The following LRRK1 variants were observed in gnomAD, a reference collection of about 807,000 sequenced individuals.
LRRK1 encodes the protein leucine-rich repeat serine/threonine-protein kinase 1.
Under a neutral mutation model 209.1 loss-of-function variants are expected in LRRK1, and 113 were observed. That is an observed-to-expected ratio of 0.54 (90% CI 0.46 to 0.63). LRRK1 has a LOEUF of 0.63. Among genes scored for constraint, LRRK1 ranks in the 30% least tolerant of loss-of-function variants. The pLI, the probability that LRRK1 is intolerant of heterozygous loss-of-function variation, is 0.00. For synonymous variants in LRRK1, 1,144 were observed against 1,099.7 expected, an observed-to-expected ratio of 1.04 and a Z score of -0.80; for missense variants, 2,284 against 2,632.2, an observed-to-expected ratio of 0.87 and a Z score of 2.89.
rs1281309106 is a variant in LRRK1, at chr15:100,973,904, C to T, written c.198C>T (p.Asp66=). 1 of 1,268,514 alleles carries T rather than the reference C, an allele frequency of 7.9e-7. No homozygotes were observed. Among genetic ancestry groups the T allele is most frequent in the South Asian group, 2.8e-5 (1 of 35,398 alleles). 78.6% of individuals were successfully genotyped at this position (1,268,514 alleles called of 1,614,324 possible). Residue 66 remains aspartate (D), a synonymous_variant, in exon 3 of 34, where the codon GAC becomes GAT. Transcript: ENST00000388948. ...EGIRAAYRRG[D]RGGARDLLEE... is the part of the protein sequence containing the mutation. ...TCCGCGCCGCGTACAGGCGGGGAGACCGCGGCGGCGCCCGGGACCTGCTGG... is the reference window on the plus strand; with the variant it reads ...TCCGCGCCGCGTACAGGCGGGGAGATCGCGGCGGCGCCCGGGACCTGCTGG...
rs11853469 is a variant in LRRK1, at chr15:100,964,995, C to T, written c.98-8809C>T. On this transcript the variant is annotated intron_variant, in intron 2 of 33. Transcript: ENST00000388948. ...TCTGGAACAAAATGTAAGACTGTCT[C>T]CTTGGAACATAAGGACAGACAGAAC... 2.6e-5 allele frequency among the ~76,000 whole-genome samples: 4 copies of T among 152,160 alleles called. No individual in the cohort carries two copies. The East Asian group carries it at 7.7e-4, about 29-fold the overall frequency.
intron 2 of LRRK1, among the ~76,000 whole-genome samples, chr15:100,948,515 C>T (rs1289791428): frequency 1.3e-5 from 2 of 152,186 alleles, no homozygotes; most frequent in Admixed American, 6.5e-5. Flanking sequence ...TTTGTCTATA[C>T]GTTGCAAATT....
intron 6 of LRRK1, among the ~76,000 whole-genome samples, chr15:100,999,394 T>C (rs2032583761): frequency 6.6e-6 from 1 of 152,240 alleles, no homozygotes; most frequent in South Asian, 2.1e-4. Flanking sequence ...TTTCCCTTTC[T>C]CTGATAGGGT....
At position 100,977,294 on chromosome 15, in the gene LRRK1, G is replaced by A. The variant is rs115673045; in HGVS notation, c.261+3327G>A. Among the ~76,000 whole-genome samples, 1,198 of 151,986 alleles carry A rather than the reference G, an allele frequency of 7.9e-3. 19 individuals are homozygous for A. The highest frequency in any genetic ancestry group is 0.028 in the African/African-American group (1,151 of 41,464). On this transcript the variant is annotated intron_variant, in intron 3 of 33. Coordinates refer to ENST00000388948, the MANE Select transcript of LRRK1 (RefSeq NM_024652.6). Reference sequence around the variant, plus strand: ...TTACAGGCAGTCAACAACCCTCTTCGGCAAAACACTGAAGAAATATACTTG... The same window carrying A: ...TTACAGGCAGTCAACAACCCTCTTCAGCAAAACACTGAAGAAATATACTTG...
chr15:100,921,039 A>G (rs1052625120), intron 1 of LRRK1, among the ~76,000 whole-genome samples: 1 of 151,974 alleles, frequency 6.6e-6, no homozygotes, highest in Non-Finnish European at 1.5e-5. Flanking sequence ...TCCCTCTCAC[A>G]TCCCTCACTC....
intron 20 of LRRK1, among the ~76,000 whole-genome samples, chr15:101,038,827 G>A (rs771448403): frequency 1.3e-5 from 2 of 152,096 alleles, no homozygotes; most frequent in African/African-American, 4.8e-5. Flanking sequence ...GGCACCCTGC[G>A]CCAGTGGCCA....
At chr15:100,962,638 G>A (rs997358828) in intron 2 of LRRK1, among the ~76,000 whole-genome samples, 3 of 150,888 alleles carry the variant, frequency 2.0e-5, no homozygotes, top group African/African-American at 4.9e-5. Flanking sequence ...AACAGAGACA[G>A]GGAGAGGGAG....
chr15:101,021,537 G>A (rs2033785112), intron 13 of LRRK1, among the ~76,000 whole-genome samples: 1 of 152,134 alleles, frequency 6.6e-6, no homozygotes, highest in Non-Finnish European at 1.5e-5. Flanking sequence ...ATATTAAAGG[G>A]ACATCGCCTT....
At chr15:101,016,944 G>C (rs1483672441) in intron 12 of LRRK1, among the ~76,000 whole-genome samples, 2 of 152,176 alleles carry the variant, frequency 1.3e-5, no homozygotes, top group Admixed American at 6.5e-5. Context: ...GTTCAGCAGA[G>C]AGTACATCTA....
chr15:101,060,114 C>T (rs1015305422), intron 29 of LRRK1, among the ~76,000 whole-genome samples: 2 of 152,242 alleles, frequency 1.3e-5, no homozygotes, highest in South Asian at 2.1e-4. Flanking sequence ...GAGACTCACT[C>T]ACAGGAAGGG....
chr15:100,955,492 CT>C lies in LRRK1; in HGVS notation c.98-18307del, dbSNP rs778780672. Reference sequence around the variant, plus strand: ...TTTCTTATTTGGATGTCTTTTATTTCTTTTTCTTACCTAATTTCTCTGGCTA... The same window carrying C: ...TTTCTTATTTGGATGTCTTTTATTTCTTTTCTTACCTAATTTCTCTGGCTA... On this transcript the variant is annotated intron_variant, in intron 2 of 33. Coordinates refer to ENST00000388948, the MANE Select transcript of LRRK1 (RefSeq NM_024652.6). 1.6e-4 allele frequency among the ~76,000 whole-genome samples: 25 copies of C among 152,182 alleles called. 2 individuals are homozygous for C. The highest frequency in any genetic ancestry group is 7.9e-4 in the Admixed American group (12 of 15,284).
chr15:100,999,434 C>T (rs1383861745), intron 6 of LRRK1, among the ~76,000 whole-genome samples: 3 of 152,170 alleles, frequency 2.0e-5, no homozygotes, highest in African/African-American at 4.8e-5. Context: ...ATTACTGTCA[C>T]GCCCTTGTCT....
chr15:100,972,333 TATGA>T (rs1468643155), intron 2 of LRRK1, among the ~76,000 whole-genome samples: 19 of 121,556 alleles, frequency 1.6e-4, no homozygotes, highest in African/African-American at 5.0e-4. Flanking sequence ...TATATATATA[TATGA>T]GAGAGAGAGA....
intron 6 of LRRK1, among the ~76,000 whole-genome samples, chr15:100,996,211 C>T (rs4352030): frequency 0.33 from 49,661 of 152,162 alleles, 8,788 homozygotes; most frequent in East Asian, 0.51. Context: ...TCCAGAGTTT[C>T]GTGCATTGCA....
intron 1 of LRRK1, among the ~76,000 whole-genome samples, chr15:100,922,474 G>A (rs2042036918): frequency 6.6e-6 from 1 of 152,014 alleles, no homozygotes; most frequent in African/African-American, 2.4e-5. Flanking sequence ...AACATTGTAT[G>A]GTAAGACACT....
At chr15:101,059,303 C>T (rs1475675588) in intron 29 of LRRK1, among the ~76,000 whole-genome samples, 1 of 152,148 alleles carries the variant, frequency 6.6e-6, no homozygotes, top group Non-Finnish European at 1.5e-5. Context: ...GAGGCTGAGG[C>T]AGGAGGATTA....
At chr15:100,923,497 A>G (rs746035525) in intron 1 of LRRK1, among the ~76,000 whole-genome samples, 3 of 152,246 alleles carry the variant, frequency 2.0e-5, no homozygotes, top group Non-Finnish European at 4.4e-5. Flanking sequence ...CATCACATGT[A>G]GGATATGCTA....
At chr15:100,954,731 A>C (rs745874349) in intron 2 of LRRK1, among the ~76,000 whole-genome samples, 1 of 152,180 alleles carries the variant, frequency 6.6e-6, no homozygotes, top group Non-Finnish European at 1.5e-5. Flanking sequence ...TTTTTTCGAC[A>C]CTATTTATTG....
At position 101,075,245 on chromosome 15, in the gene LRRK1, A is replaced by G. The variant is rs1456023028; in HGVS notation, c.*6397A>G. ...CCCCAACTCTGGTGCCAACTTAGACAATACTCTTTTAAGCACTCCTTTTAG... is the reference window on the plus strand; with the variant it reads ...CCCCAACTCTGGTGCCAACTTAGACGATACTCTTTTAAGCACTCCTTTTAG... On this transcript the variant is annotated 3_prime_UTR_variant, in exon 34 of 34. Coordinates refer to ENST00000388948, the MANE Select transcript of LRRK1 (RefSeq NM_024652.6). 6.0e-5 allele frequency: 1 copy of G among 16,606 alleles called. No individual in the cohort carries two copies. Among genetic ancestry groups the G allele is most frequent in the Non-Finnish European group, 1.2e-4 (1 of 8,054 alleles). 1.0% of individuals were successfully genotyped at this position (16,606 alleles called of 1,614,324 possible).
Sources: allele counts gnomAD v4.1 joint callset (sites outside exome capture counted in the v4.1 genomes callset), GRCh38; gene constraint gnomAD v4.1.1; transcripts MANE v1.5; gene names NCBI Gene and HGNC (gene_info 2026-07-23, HGNC 2026-07-21).